The following TESC variants were observed in gnomAD, a reference collection of about 807,000 sequenced individuals.
The protein encoded by TESC is calcineurin B homologous protein 3.
A neutral mutation model predicts 31.0 loss-of-function variants in TESC; 19 were observed. The observed-to-expected ratio is 0.61, with a 90% CI of 0.43 to 0.90. The LOEUF is 0.90. TESC is among the 40% of genes least tolerant of loss of function. The probability of loss-of-function intolerance (pLI) is 0.00; values close to 1 mark genes in which losing one functional copy is unlikely to be tolerated. For missense variants in TESC, 248 were observed against 303.8 expected, an observed-to-expected ratio of 0.82 and a Z score of 1.36; for synonymous variants, 109 against 114.8, an observed-to-expected ratio of 0.95 and a Z score of 0.32.
Position 117,063,238 on chromosome 12 carries a change from T to A in TESC, c.129-6352A>T. Reference sequence around the variant, plus strand: ...CGGGACTCCAGCTCTGCCTCCAGGCTGGCTCGAACCATCTTGCGCTTCCTC... The same window carrying A: ...CGGGACTCCAGCTCTGCCTCCAGGCAGGCTCGAACCATCTTGCGCTTCCTC... On this transcript the variant is annotated intron_variant, in intron 2 of 7. Coordinates refer to ENST00000335209, the MANE Select transcript of TESC (RefSeq NM_017899.4). Among the ~76,000 whole-genome samples the A allele has an allele frequency of 1.3e-5, 2 of 152,184 alleles. 1 individual carries two copies. The highest frequency in any genetic ancestry group is 2.9e-5 in the Non-Finnish European group (2 of 68,018).
chr12:117,044,183 G>C (rs1054943925), intron 6 of TESC, among the ~76,000 whole-genome samples: 1 of 152,168 alleles, frequency 6.6e-6, no homozygotes, highest in Non-Finnish European at 1.5e-5. Context: ...AGGATGGCTT[G>C]AGCGCAGGAG....
chr12:117,074,305 C>G (rs1218748202), intron 2 of TESC, among the ~76,000 whole-genome samples: 1 of 151,850 alleles, frequency 6.6e-6, no homozygotes, highest in East Asian at 1.9e-4. Context: ...GAGGTTGAGG[C>G]TGCAGTGAGC....
chr12:117,072,365 G>T (rs1481232813), intron 2 of TESC, among the ~76,000 whole-genome samples: 2 of 152,158 alleles, frequency 1.3e-5, no homozygotes, highest in Non-Finnish European at 2.9e-5. Flanking sequence ...TTATAGTCGT[G>T]AGTCACAGTG....
chr12:117,069,063 TG>T (rs77077530), intron 2 of TESC, among the ~76,000 whole-genome samples: 4,504 of 152,192 alleles, frequency 0.03, 185 homozygotes, highest in East Asian at 0.19. Context: ...GAATGGTAGG[TG>T]GCTAATGAAC....
At chr12:117,075,935 A>ATG (rs1167210690) in intron 1 of TESC, among the ~76,000 whole-genome samples, 3 of 111,424 alleles carry the variant, frequency 2.7e-5, no homozygotes, top group African/African-American at 1.3e-4. Flanking sequence ...ATATATATAT[A>ATG]TATATGTATA....
intron 1 of TESC, among the ~76,000 whole-genome samples, chr12:117,083,370 C>T (rs1304410883): frequency 2.0e-5 from 3 of 152,150 alleles, no homozygotes; most frequent in African/African-American, 4.8e-5. Flanking sequence ...TGAGCCACTG[C>T]GCCCAGCCAA....
At chr12:117,075,865 A>G (rs1310977346) in intron 1 of TESC, among the ~76,000 whole-genome samples, 613 of 43,738 alleles carry the variant, frequency 0.014, 13 homozygotes, top group South Asian at 0.067. Flanking sequence ...ATATATATAT[A>G]TATATGTGTG....
At chr12:117,073,734 G>T (rs1298248687) in intron 2 of TESC, among the ~76,000 whole-genome samples, 1 of 152,176 alleles carries the variant, frequency 6.6e-6, no homozygotes, top group Non-Finnish European at 1.5e-5. Context: ...TCAACTTGAA[G>T]CTTCCCCATG....
At position 117,097,156 on chromosome 12, in the gene TESC, C is replaced by T. The variant is rs559795084; in HGVS notation, c.58+2069G>A. Among the ~76,000 whole-genome samples, 16 of 152,300 alleles carry T rather than the reference C, an allele frequency of 1.1e-4. No individual in the cohort carries two copies. The South Asian group carries it at 3.1e-3, about 30-fold the overall frequency. ...AGTGACCGAATTACGCAGTCCCTTT[C>T]GGAGGACTGGGGGCAACTTTCCACC... On this transcript the variant is annotated intron_variant, in intron 1 of 7. Transcript: ENST00000335209.
rs1177776135 is a variant in TESC at position 117,073,897 on chromosome 12, T to C, written c.128+1374A>G. Among the ~76,000 whole-genome samples, 7 of 149,266 alleles carry C rather than the reference T, an allele frequency of 4.7e-5. No individual in the cohort carries two copies. In the East Asian group the frequency reaches 7.8e-4, roughly 17 times the overall value. ...GAGTTCAAGATCACCCTGGGTAACATAGCAAGACCACGTCTCAAAAAAAAA... is the reference window on the plus strand; with the variant it reads ...GAGTTCAAGATCACCCTGGGTAACACAGCAAGACCACGTCTCAAAAAAAAA... On this transcript the variant is annotated intron_variant, in intron 2 of 7. Transcript: ENST00000335209.
chr12:117,082,069 A>AT (rs1488050403), intron 1 of TESC, among the ~76,000 whole-genome samples: 7 of 151,514 alleles, frequency 4.6e-5, no homozygotes, highest in African/African-American at 1.7e-4. Context: ...ACAAAAAAAA[A>AT]AAAAAATCAA....
intron 3 of TESC, among the ~76,000 whole-genome samples, chr12:117,051,850 G>T (rs1242283591): frequency 6.6e-6 from 1 of 152,210 alleles, no homozygotes; most frequent in Non-Finnish European, 1.5e-5. Flanking sequence ...GTCTCCAAAG[G>T]CAATGACAGC....
chr12:117,054,209 G>A (rs60601556), intron 3 of TESC, among the ~76,000 whole-genome samples: 4,569 of 151,992 alleles, frequency 0.03, 184 homozygotes, highest in South Asian at 0.12. Flanking sequence ...ACCCAAGCCC[G>A]GGACCATGAT....
intron 1 of TESC, among the ~76,000 whole-genome samples, chr12:117,093,354 C>T (rs1323998501): frequency 6.6e-6 from 1 of 152,384 alleles, no homozygotes. Flanking sequence ...CGCTTGGCTA[C>T]GCCAGTCCTC....
At chr12:117,087,545 G>A (rs1259553422) in intron 1 of TESC, among the ~76,000 whole-genome samples, 1 of 152,174 alleles carries the variant, frequency 6.6e-6, no homozygotes, top group African/African-American at 2.4e-5. Flanking sequence ...CTTCTCTCAT[G>A]AGCAATAAGG....
At chr12:117,099,203 G>C in intron 1 of TESC, 22 bp downstream of exon 1, 1 of 1,476,956 alleles carries the variant, frequency 6.8e-7, no homozygotes, top group Non-Finnish European at 8.9e-7. Flanking sequence ...CGGTCCCCGC[G>C]CCGCCCCCCG....
chr12:117,051,142 T>C (rs1259108490), intron 3 of TESC, among the ~76,000 whole-genome samples: 1 of 152,132 alleles, frequency 6.6e-6, no homozygotes, highest in African/African-American at 2.4e-5. Flanking sequence ...TAACAGTTAG[T>C]GGTTAGTGCT....
chr12:117,080,961 G>A (rs1278503368), intron 1 of TESC, among the ~76,000 whole-genome samples: 4 of 152,236 alleles, frequency 2.6e-5, no homozygotes, highest in African/African-American at 9.6e-5. Context: ...TGAGGTCACA[G>A]TTGCCATGCG....
At chr12:117,051,898 G>C (rs535774130) in intron 3 of TESC, among the ~76,000 whole-genome samples, 1 of 152,208 alleles carries the variant, frequency 6.6e-6, no homozygotes, top group Admixed American at 6.5e-5. Context: ...CCTGGAACCA[G>C]CCCCACTTGC....
Sources: gnomAD v4.1 joint callset for allele counts (sites outside exome capture counted in the v4.1 genomes callset) on GRCh38, gnomAD v4.1.1 for gene constraint, MANE v1.5 for transcripts, NCBI Gene and HGNC (gene_info 2026-07-23, HGNC 2026-07-21) for gene names.